Variants in KDM4C observed in about 807,000 individuals in gnomAD.
KDM4C encodes the protein lysine-specific demethylase 4C.
KDM4C carries 81 observed loss-of-function variants against 129.3 expected under a neutral mutation model. The observed-to-expected ratio is 0.63, with a 90% CI of 0.52 to 0.75. The LOEUF is 0.75. Among genes scored for constraint, KDM4C ranks in the 30% least tolerant of loss-of-function variants. The probability of loss-of-function intolerance (pLI) is 0.00; values close to 1 mark genes in which losing one functional copy is unlikely to be tolerated. For missense variants in KDM4C, 1,457 were observed against 1,304.0 expected (o/e 1.12, Z -1.81); for synonymous variants, 573 against 456.1 (o/e 1.26, Z -3.26).
In KDM4C at chr9:6,764,847, A is replaced by G. The variant is rs191677676; in HGVS notation, c.-18+6644A>G. ...AATTTGGCATCTCTACTTGTTAAGTATAACAAATGTAACTCTGATCTTTCC... is the reference window on the plus strand; with the variant it reads ...AATTTGGCATCTCTACTTGTTAAGTGTAACAAATGTAACTCTGATCTTTCC... On this transcript the variant is annotated intron_variant, in intron 1 of 21. Transcript: ENST00000381309. Among the ~76,000 whole-genome samples the G allele has an allele frequency of 5.4e-4, 82 of 152,320 alleles. 1 individual carries two copies. In the East Asian group the frequency reaches 0.011, roughly 21 times the overall value.
At chr9:7,014,049 A>C in intron 14 of KDM4C, 48 bp downstream of exon 14, 1 of 1,492,210 alleles carries the variant, frequency 6.7e-7, no homozygotes, top group Non-Finnish European at 9.2e-7. Context: ...AGCATTTCAC[A>C]TCATCTTTAT....
intron 4 of KDM4C, among the ~76,000 whole-genome samples, chr9:6,840,897 C>T (rs1836801852): frequency 6.6e-6 from 1 of 152,164 alleles, no homozygotes; most frequent in Non-Finnish European, 1.5e-5. Context: ...CTACAGTTAG[C>T]AAGCTTTGAG....
At chr9:6,961,954 TG>T (rs929242249) in intron 8 of KDM4C, among the ~76,000 whole-genome samples, 1 of 152,234 alleles carries the variant, frequency 6.6e-6, no homozygotes, top group African/African-American at 2.4e-5. Context: ...AGGGAATGCC[TG>T]CTGGCCTTCA....
intron 5 of KDM4C, among the ~76,000 whole-genome samples, chr9:6,876,783 G>C (rs1351459492): frequency 1.1e-4 from 17 of 152,216 alleles, no homozygotes; most frequent in Non-Finnish European, 1.9e-4. Context: ...CTGTCTGTCA[G>C]CCTACACACA....
intron 18 of KDM4C, among the ~76,000 whole-genome samples, chr9:7,116,308 T>A (rs1838888141): frequency 6.7e-6 from 1 of 150,010 alleles, no homozygotes; most frequent in Admixed American, 6.7e-5. Flanking sequence ...AATTTGGAAA[T>A]CCTTAAATTC....
At chr9:6,919,808 C>G (rs1821140663) in intron 8 of KDM4C, among the ~76,000 whole-genome samples, 1 of 151,892 alleles carries the variant, frequency 6.6e-6, no homozygotes, top group African/African-American at 2.4e-5. Context: ...CTCCTGGCCT[C>G]AGGTGATCCA....
intron 5 of KDM4C, among the ~76,000 whole-genome samples, chr9:6,873,273 G>A (rs1040378089): frequency 1.3e-5 from 2 of 152,118 alleles, no homozygotes; most frequent in African/African-American, 4.8e-5. Flanking sequence ...GGTGTGCTGG[G>A]ATTACAGGAG....
intron 2 of KDM4C, among the ~76,000 whole-genome samples, chr9:6,800,200 C>G (rs1423710430): frequency 3.3e-5 from 5 of 152,232 alleles, no homozygotes; most frequent in East Asian, 1.9e-4. Context: ...AATGCTGTCT[C>G]TACTAAAAAT....
intron 4 of KDM4C, among the ~76,000 whole-genome samples, chr9:6,840,141 T>G (rs912761457): frequency 6.7e-6 from 1 of 148,570 alleles, no homozygotes; most frequent in African/African-American, 2.5e-5. Context: ...GCCACAATCA[T>G]GGCTCACTGC....
chr9:6,729,196 T>C (rs1349098897), intron 1 of KDM4C, among the ~76,000 whole-genome samples: 1 of 53,976 alleles, frequency 1.9e-5, no homozygotes, highest in Non-Finnish European at 2.8e-5. Context: ...AGAGCAAAGC[T>C]CCGTCTCCAA....
chr9:6,886,843 C>T (rs1027515019), intron 6 of KDM4C, among the ~76,000 whole-genome samples: 1 of 152,080 alleles, frequency 6.6e-6, no homozygotes, highest in South Asian at 2.1e-4. Flanking sequence ...GTCCCAAACT[C>T]CTGGCCTCAA....
At chr9:6,847,194 A>G (rs903607555) in intron 4 of KDM4C, among the ~76,000 whole-genome samples, 20 of 152,256 alleles carry the variant, frequency 1.3e-4, no homozygotes, top group African/African-American at 4.8e-5. Flanking sequence ...AATGGTTCCT[A>G]TAATATGGTG....
chr9:7,025,671 C>G (rs1281303235), intron 15 of KDM4C, among the ~76,000 whole-genome samples: 1 of 152,164 alleles, frequency 6.6e-6, no homozygotes, highest in Non-Finnish European at 1.5e-5. Context: ...TAGCCTCTTG[C>G]TTTTTAACTT....
At chr9:7,160,973 C>T (rs527298319) in intron 19 of KDM4C, among the ~76,000 whole-genome samples, 3 of 148,986 alleles carry the variant, frequency 2.0e-5, no homozygotes, top group Admixed American at 6.7e-5. Context: ...TGTTGAGCTG[C>T]GGTGGGCTCC....
At chr9:6,934,775 A>G (rs756244359) in intron 8 of KDM4C, among the ~76,000 whole-genome samples, 1 of 152,086 alleles carries the variant, frequency 6.6e-6, no homozygotes. Flanking sequence ...TCTAATTTTC[A>G]TTGAGAACTT....
At chr9:6,996,648 T>C (rs566274124) in intron 12 of KDM4C, among the ~76,000 whole-genome samples, 1 of 152,316 alleles carries the variant, frequency 6.6e-6, no homozygotes, top group South Asian at 2.1e-4. Flanking sequence ...TGGCATTTGC[T>C]GACACAGTGA....
chr9:6,766,546 T>G lies in KDM4C; in HGVS notation c.-18+8343T>G, dbSNP rs527465446. On this transcript the variant is annotated intron_variant, in intron 1 of 21. Coordinates refer to ENST00000381309, the MANE Select transcript of KDM4C (RefSeq NM_015061.6). ...GCATTGTACATTTAGAAATATGAAC[T>G]TTTTCAGTCGACCGAGAGTGTCAGG... Among the ~76,000 whole-genome samples, 58 of 152,206 alleles carry G rather than the reference T, an allele frequency of 3.8e-4. No individual in the cohort carries two copies. The South Asian group carries it at 0.012, about 31-fold the overall frequency.
At chr9:6,939,982 C>T (rs1193101783) in intron 8 of KDM4C, among the ~76,000 whole-genome samples, 3 of 95,696 alleles carry the variant, frequency 3.1e-5, no homozygotes, top group Non-Finnish European at 7.0e-5. Context: ...ACCTACCTTC[C>T]TTCCTTCCTT....
At chr9:7,053,674 A>C (rs1351015890) in intron 17 of KDM4C, among the ~76,000 whole-genome samples, 3 of 152,242 alleles carry the variant, frequency 2.0e-5, no homozygotes, top group Non-Finnish European at 4.4e-5. Flanking sequence ...AAAACATTTT[A>C]ATGAAAAATA....
Sources: allele counts gnomAD v4.1 joint callset (sites outside exome capture counted in the v4.1 genomes callset), GRCh38; gene constraint gnomAD v4.1.1; transcripts MANE v1.5; gene names NCBI Gene and HGNC (gene_info 2026-07-23, HGNC 2026-07-21).